Variants in SGCZ observed in about 807,000 individuals in gnomAD.
SGCZ encodes sarcoglycan zeta.
In SGCZ, 40 loss-of-function variants were observed where a neutral mutation model predicts 41.3. That is an observed-to-expected ratio of 0.97 (90% CI 0.75 to 1.26). SGCZ has a LOEUF of 1.26. Among genes scored for constraint, SGCZ ranks in the 50% most tolerant of loss-of-function variants. The pLI is 0.00. For synonymous variants in SGCZ, 206 were observed against 137.5 expected, an observed-to-expected ratio of 1.50 and a Z score of -3.49; for missense variants, 552 against 369.8, an observed-to-expected ratio of 1.49 and a Z score of -4.04.
At chr8:15,227,971 G>A (rs1801830021) in intron 1 of SGCZ, among the ~76,000 whole-genome samples, 1 of 152,152 alleles carries the variant, frequency 6.6e-6, no homozygotes, top group Admixed American at 6.5e-5. Flanking sequence ...ATAAAATGCT[G>A]AAACTTTACT....
At chr8:14,205,171 A>AT (rs34683158) in intron 4 of SGCZ, among the ~76,000 whole-genome samples, 1 of 149,318 alleles carries the variant, frequency 6.7e-6, no homozygotes, top group Non-Finnish European at 1.5e-5. Flanking sequence ...CCTAGACTTT[A>AT]TTTTTTTTTT....
intron 1 of SGCZ, among the ~76,000 whole-genome samples, chr8:14,945,494 G>T (rs570536966): frequency 5.6e-4 from 85 of 152,162 alleles, no homozygotes; most frequent in African/African-American, 2.0e-3. Flanking sequence ...TGGCAAGAAA[G>T]AAAATTCTAT....
chr8:15,215,437 T>C lies in SGCZ; in HGVS notation c.39+22148A>G, dbSNP rs145471939. Among the ~76,000 whole-genome samples, 6 of 152,326 alleles carry C rather than the reference T, an allele frequency of 3.9e-5. No individual in the cohort carries two copies. In the East Asian group the frequency reaches 1.2e-3, roughly 29 times the overall value. ...ATATTTTTACAGGCACTGTTTTACTTCCTTCGGGGAAGTCTCAATTTTAGA... is the reference window on the plus strand; with the variant it reads ...ATATTTTTACAGGCACTGTTTTACTCCCTTCGGGGAAGTCTCAATTTTAGA... On this transcript the variant is annotated intron_variant, in intron 1 of 7. Coordinates refer to ENST00000382080, the MANE Select transcript of SGCZ (RefSeq NM_139167.4).
chr8:15,169,985 A>C (rs1443204186), intron 1 of SGCZ, among the ~76,000 whole-genome samples: 1 of 152,214 alleles, frequency 6.6e-6, no homozygotes, highest in Non-Finnish European at 1.5e-5. Flanking sequence ...ACTGCAGCCA[A>C]GTATTTAAAT....
At chr8:14,966,832 G>C (rs1364470040) in intron 1 of SGCZ, among the ~76,000 whole-genome samples, 1 of 152,120 alleles carries the variant, frequency 6.6e-6, no homozygotes, top group African/African-American at 2.4e-5. Flanking sequence ...ATATTTGAAA[G>C]AAAGGGAATA....
intron 1 of SGCZ, among the ~76,000 whole-genome samples, chr8:15,145,950 G>A (rs1194121053): frequency 6.6e-6 from 1 of 152,100 alleles, no homozygotes; most frequent in Non-Finnish European, 1.5e-5. Flanking sequence ...CTCCAAAAAG[G>A]CAAAGAGAAT....
intron 1 of SGCZ, among the ~76,000 whole-genome samples, chr8:14,920,238 G>C (rs1799551065): frequency 6.6e-6 from 1 of 152,112 alleles, no homozygotes; most frequent in Non-Finnish European, 1.5e-5. Flanking sequence ...CTGGAGAAGA[G>C]CCTTAGAAGA....
At chr8:14,195,867 A>G (rs1805251175) in intron 4 of SGCZ, among the ~76,000 whole-genome samples, 1 of 152,170 alleles carries the variant, frequency 6.6e-6, no homozygotes, top group Admixed American at 6.6e-5. Context: ...TACTGAATAA[A>G]TCATCTCTAG....
intron 2 of SGCZ, among the ~76,000 whole-genome samples, chr8:14,345,352 T>A (rs1802858519): frequency 6.6e-6 from 1 of 152,106 alleles, no homozygotes; most frequent in African/African-American, 2.4e-5. Context: ...GGAAAACTGT[T>A]TGCAGATCTA....
At chr8:14,243,305 G>T (rs922568999) in intron 3 of SGCZ, among the ~76,000 whole-genome samples, 5 of 152,136 alleles carry the variant, frequency 3.3e-5, no homozygotes, top group African/African-American at 9.7e-5. Context: ...CTTATCCTCA[G>T]TTCCTCTAAT....
At chr8:14,793,931 T>G (rs960158723) in intron 1 of SGCZ, among the ~76,000 whole-genome samples, 1 of 152,294 alleles carries the variant, frequency 6.6e-6, no homozygotes. Flanking sequence ...CTCAGTCTGG[T>G]TCTCCCACTT....
intron 2 of SGCZ, among the ~76,000 whole-genome samples, chr8:14,357,520 G>C (rs1248737510): frequency 2.0e-5 from 3 of 152,060 alleles, no homozygotes; most frequent in Non-Finnish European, 4.4e-5. Flanking sequence ...CTGTACCTTT[G>C]AATTGAATGA....
At chr8:14,379,228 A>G (rs1804264061) in intron 2 of SGCZ, among the ~76,000 whole-genome samples, 1 of 152,162 alleles carries the variant, frequency 6.6e-6, no homozygotes, top group African/African-American at 2.4e-5. Flanking sequence ...AACCCAGGAG[A>G]ATCAATGAAA....
intron 2 of SGCZ, among the ~76,000 whole-genome samples, chr8:14,369,982 T>C (rs564071947): frequency 6.6e-6 from 1 of 152,124 alleles, no homozygotes; most frequent in African/African-American, 2.4e-5. Flanking sequence ...TTTATTCTGA[T>C]GATGGAAATA....
intron 3 of SGCZ, among the ~76,000 whole-genome samples, chr8:14,249,095 A>G (rs1799200678): frequency 1.3e-5 from 2 of 152,204 alleles, no homozygotes; most frequent in South Asian, 2.1e-4. Flanking sequence ...GTGTTTCTCA[A>G]TGAGATGAAC....
At chr8:14,960,272 CA>C (rs1800921471) in intron 1 of SGCZ, among the ~76,000 whole-genome samples, 1 of 151,980 alleles carries the variant, frequency 6.6e-6, no homozygotes, top group South Asian at 2.1e-4. Flanking sequence ...GCTGCAAATG[CA>C]ATAAAATTCT....
chr8:14,436,519 G>A (rs900431580), intron 2 of SGCZ, among the ~76,000 whole-genome samples: 1 of 152,140 alleles, frequency 6.6e-6, no homozygotes, highest in South Asian at 2.1e-4. Context: ...TATAGTGGTA[G>A]TAAGACCATA....
intron 4 of SGCZ, chr8:14,164,936 G>C: frequency 2.2e-6 from 1 of 448,878 alleles, no homozygotes; most frequent in Non-Finnish European, 4.0e-6. Context: ...GTCTGACATA[G>C]CATGTGAGTT....
At chr8:14,525,189 T>C (rs62498407) in intron 2 of SGCZ, among the ~76,000 whole-genome samples, 29 of 70,988 alleles carry the variant, frequency 4.1e-4, no homozygotes, top group Admixed American at 4.0e-3. Flanking sequence ...GATAGATAGA[T>C]AGATAGACAG....
Sources: allele counts gnomAD v4.1 joint callset (sites outside exome capture counted in the v4.1 genomes callset), GRCh38; gene constraint gnomAD v4.1.1; transcripts MANE v1.5; gene names NCBI Gene and HGNC (gene_info 2026-07-23, HGNC 2026-07-21).